The following TMEM18 variants were observed in gnomAD, a reference collection of about 807,000 sequenced individuals.
TMEM18 encodes transmembrane protein 18.
A neutral mutation model predicts 17.4 loss-of-function variants in TMEM18; 14 were observed. The observed-to-expected ratio is 0.80, with a 90% CI of 0.53 to 1.25. TMEM18 has a LOEUF of 1.25. TMEM18 is among the 50% of genes most tolerant of loss of function. The probability of loss-of-function intolerance (pLI) is 0.00; values close to 1 mark genes in which losing one functional copy is unlikely to be tolerated. For missense variants in TMEM18, 187 were observed against 172.1 expected (o/e 1.09, Z -0.48); for synonymous variants, 86 against 66.1 (o/e 1.30, Z -1.46).
chr2:669,533 G>T lies in TMEM18; in HGVS notation c.*47C>A. The stretch of plus-strand genomic sequence containing the variant: ...CACGCACACTGCAGCACTGGGAGCT[G>T]CACTGGGTGGACGGGAAGGACGCAA... On this transcript the variant is annotated 3_prime_UTR_variant, in exon 5 of 5. Coordinates refer to ENST00000281017, the MANE Select transcript of TMEM18 (RefSeq NM_152834.4). The T allele has an allele frequency of 1.3e-6, 2 of 1,589,880 alleles. No homozygotes were observed. The highest frequency in any genetic ancestry group is 1.7e-6 in the Non-Finnish European group (2 of 1,158,352).
At chr2:671,390 G>A (rs570530512) in intron 3 of TMEM18, among the ~76,000 whole-genome samples, 5 of 149,830 alleles carry the variant, frequency 3.3e-5, no homozygotes, top group South Asian at 4.3e-4. Context: ...CCCTGCATCC[G>A]GGAGGAGAGG....
At chr2:673,310 ACT>A in intron 2 of TMEM18, among the ~76,000 whole-genome samples, 1 of 152,302 alleles carries the variant, frequency 6.6e-6, no homozygotes, top group South Asian at 2.1e-4. Context: ...GGACACTGCC[ACT>A]GAGATGACCA....
chr2:676,437 T>TGCCCTCCAAGCTGCAGCCCGGCACA, intron 1 of TMEM18: 1 of 1,072,478 alleles, frequency 9.3e-7, no homozygotes, highest in Non-Finnish European at 1.3e-6. Flanking sequence ...AGCCCCGCCC[T>TGCCCTCCAAGCTGCAGCCCGGCACA]GCCCTCCAAG....
chr2:668,242 T>G lies in TMEM18; in HGVS notation c.*1338A>C, dbSNP rs1678745598. 1 of 152,196 alleles carries G rather than the reference T, an allele frequency of 6.6e-6. No individual in the cohort carries two copies. Among genetic ancestry groups the G allele is most frequent in the Non-Finnish European group, 1.5e-5 (1 of 68,038 alleles). The allele number at this position is 152,196 out of a possible 1,614,324, so 9.4% of individuals were successfully genotyped here. ...CCCTTGACACATGGGGATTACAATT[T>G]GAGATGCAATTTGGGTGGGGACACA... is the stretch of plus-strand genomic sequence containing the variant. On this transcript the variant is annotated 3_prime_UTR_variant, in exon 5 of 5. Coordinates refer to ENST00000281017, the MANE Select transcript of TMEM18 (RefSeq NM_152834.4).
chr2:671,993 A>G (rs1247669152), intron 3 of TMEM18, among the ~76,000 whole-genome samples: 33 of 147,862 alleles, frequency 2.2e-4, no homozygotes, highest in Admixed American at 2.2e-3. Flanking sequence ...GGAGCAAGGC[A>G]GGAGGAGGCC....
intron 1 of TMEM18, chr2:676,597 G>C (rs1659227075): frequency 6.4e-7 from 1 of 1,550,432 alleles, no homozygotes; most frequent in African/African-American, 1.4e-5. Context: ...GCACGGAGGT[G>C]AGGGGAGCAC....
At chr2:673,799 CAGG>C (rs1187196622) in intron 2 of TMEM18, among the ~76,000 whole-genome samples, 2 of 147,774 alleles carry the variant, frequency 1.4e-5, no homozygotes, top group East Asian at 2.0e-4. Context: ...GGAGGAGGGC[CAGG>C]AGAAGCAGGA....
At position 675,510 on chromosome 2, in the gene TMEM18, C is replaced by G; in HGVS notation, c.178G>C (p.Val60Leu). 6.2e-7 allele frequency: 1 copy of G among 1,614,216 alleles called. No homozygotes were observed. Among genetic ancestry groups the G allele is most frequent in the African/African-American group, 1.3e-5 (1 of 75,064 alleles). Reference protein sequence around the residue: ...RLQIGHFLCLVILVYCAEYIN... With the variant: ...RLQIGHFLCLLILVYCAEYIN... ...GTGGAGTTTGTGTTGTTTTACTCAC[C>G]TAGACACAGAAAGTGCCCGATCTGT... is the stretch of plus-strand genomic sequence containing the variant. Residue 60 changes from valine to leucine, a missense_variant and splice_region_variant, in exon 2 of 5, where the codon GTC (valine) becomes CTC (leucine). By Grantham distance (32) the Val-to-Leu change is conservative. Coordinates refer to ENST00000281017, the MANE Select transcript of TMEM18 (RefSeq NM_152834.4).
chr2:670,632 A>G (rs1477154935), intron 3 of TMEM18: 1 of 152,470 alleles, frequency 6.6e-6, no homozygotes, highest in African/African-American at 2.4e-5. Flanking sequence ...CTTACACTCT[A>G]TACCATGGGA....
intron 1 of TMEM18, chr2:676,789 A>C: frequency 1.3e-6 from 1 of 775,938 alleles, no homozygotes; most frequent in Non-Finnish European, 2.0e-6. Context: ...CCGCACTGCC[A>C]GAATCCGCCC....
At chr2:673,749 G>A (rs1373714823) in intron 2 of TMEM18, among the ~76,000 whole-genome samples, 2 of 144,924 alleles carry the variant, frequency 1.4e-5, no homozygotes, top group Non-Finnish European at 3.0e-5. Flanking sequence ...AGGAGGAGGA[G>A]GAGGGGGAGG....
In TMEM18 at chr2:669,761, A is replaced by G. The variant is rs764080063; in HGVS notation, c.323T>C (p.Ile108Thr). Residue 108 changes from isoleucine to threonine, a missense_variant, in exon 4 of 5, where the codon ATT (isoleucine) becomes ACT (threonine). Coordinates refer to ENST00000281017, the MANE Select transcript of TMEM18 (RefSeq NM_152834.4). ...CTGAAAGTGTCATCTACGTACCACA[A>G]TGATCATGGCATTCACCAGCAGTGG... is the stretch of plus-strand genomic sequence containing the variant. ...SAPLLVNAMI[I>T]VVMWVWKTLN... 1.2e-6 allele frequency: 2 copies of G among 1,614,166 alleles called. No individual in the cohort carries two copies. Among genetic ancestry groups the G allele is most frequent in the South Asian group, 2.2e-5 (2 of 91,086 alleles).
intron 1 of TMEM18, 157 bp from the exon 2 acceptor site, chr2:675,787 A>G: frequency 6.5e-7 from 1 of 1,532,880 alleles, no homozygotes; most frequent in East Asian, 2.5e-5. Flanking sequence ...GCCAGGCCTC[A>G]GAGAAACATG....
chr2:676,769 G>T lies in TMEM18; in HGVS notation c.57+520C>A. ...ACCCCACACGATCAGGCTCCACCAC[G>T]CACGCCCCGCCGCACTGCCAGAATC... On this transcript the variant is annotated intron_variant, in intron 1 of 4. Transcript: ENST00000281017. 4.5e-6 allele frequency: 4 copies of T among 890,354 alleles called. 1 individual carries two copies. The South Asian group carries it at 5.0e-5, about 11-fold the overall frequency. 55.2% of individuals were successfully genotyped at this position (890,354 alleles called of 1,614,324 possible). A position where few individuals can be genotyped will look rare whatever the true frequency, so the allele number is the denominator to read the frequency against.
chr2:669,221 C>T lies in TMEM18; in HGVS notation c.*359G>A. 1 of 193,904 alleles carries T rather than the reference C, an allele frequency of 5.2e-6. No individual in the cohort carries two copies. Among genetic ancestry groups the T allele is most frequent in the South Asian group, 1.2e-4 (1 of 8,100 alleles). The allele number at this position is 193,904 out of a possible 1,614,324, so 12.0% of individuals were successfully genotyped here. A position where few individuals can be genotyped will look rare whatever the true frequency, so the allele number is the denominator to read the frequency against. On this transcript the variant is annotated 3_prime_UTR_variant, in exon 5 of 5. Transcript: ENST00000281017. ...GCATGGTGCCCATGTACAGGTGGCACTGTTTATTATTGAGTTTCATATTTT... is the reference window on the plus strand; with the variant it reads ...GCATGGTGCCCATGTACAGGTGGCATTGTTTATTATTGAGTTTCATATTTT...
rs1251898017 is a variant in TMEM18 at position 665,144 on chromosome 2, A to G, written c.*4436T>C. Among the ~76,000 whole-genome samples the G allele has an allele frequency of 6.6e-6, 1 of 152,162 alleles. No individual in the cohort carries two copies. The highest frequency in any genetic ancestry group is 1.5e-5 in the Non-Finnish European group (1 of 68,014). On this transcript the variant is annotated 3_prime_UTR_variant, in exon 5 of 5. Transcript: ENST00000281017. ...GTGAGTTGGGCTTAGGGATCCATAA[A>G]CCCAGAGATGCAGACGCCCAGCTCA...
chr2:669,240 A>G lies in TMEM18; in HGVS notation c.*340T>C, dbSNP rs1678773053. On this transcript the variant is annotated 3_prime_UTR_variant, in exon 5 of 5. Coordinates refer to ENST00000281017, the MANE Select transcript of TMEM18 (RefSeq NM_152834.4). ...GTGGCACTGTTTATTATTGAGTTTC[A>G]TATTTTATATTGTGTATTTTATATT... 1 of 226,200 alleles carries G rather than the reference A, an allele frequency of 4.4e-6. No homozygotes were observed. The highest frequency in any genetic ancestry group is 1.0e-4 in the South Asian group (1 of 9,776). 14.0% of individuals were successfully genotyped at this position (226,200 alleles called of 1,614,324 possible).
chr2:665,088 A>G lies in TMEM18; in HGVS notation c.*4492T>C, dbSNP rs1678644395. Among the ~76,000 whole-genome samples the G allele has an allele frequency of 1.3e-5, 2 of 152,234 alleles. No individual in the cohort carries two copies. The highest frequency in any genetic ancestry group is 6.5e-5 in the Admixed American group (1 of 15,286). On this transcript the variant is annotated 3_prime_UTR_variant, in exon 5 of 5. Coordinates refer to ENST00000281017, the MANE Select transcript of TMEM18 (RefSeq NM_152834.4). ...TAACCAAACATGGGTAAGGCAGAGG[A>G]AAGACCAGCACATGGAGGGCCAAGC...
rs892367466 is a variant in TMEM18 at position 668,028 on chromosome 2, C to T, written c.*1552G>A. The T allele has an allele frequency of 7.9e-5, 12 of 152,332 alleles. No individual in the cohort carries two copies. Among genetic ancestry groups the T allele is most frequent in the East Asian group, 3.9e-4 (2 of 5,178 alleles). 9.4% of individuals were successfully genotyped at this position (152,332 alleles called of 1,614,324 possible). On this transcript the variant is annotated 3_prime_UTR_variant, in exon 5 of 5. Transcript: ENST00000281017. ...CAGTTCCACATGGCCGGGGAGGCCTCGGGAAACTTACAATCATGGCAGAGG... is the reference window on the plus strand; with the variant it reads ...CAGTTCCACATGGCCGGGGAGGCCTTGGGAAACTTACAATCATGGCAGAGG...
Sources: gnomAD v4.1 joint callset for allele counts (sites outside exome capture counted in the v4.1 genomes callset) on GRCh38, gnomAD v4.1.1 for gene constraint, MANE v1.5 for transcripts, NCBI Gene and HGNC (gene_info 2026-07-23, HGNC 2026-07-21) for gene names.